NRG1: variants seen among roughly 807,000 people sequenced by gnomAD.
The protein encoded by NRG1 is pro-neuregulin-1, membrane-bound isoform.
NRG1 carries 18 observed loss-of-function variants against 63.8 expected under a neutral mutation model. That is an observed-to-expected ratio of 0.28 (90% CI 0.19 to 0.42). The LOEUF (loss-of-function observed/expected upper bound fraction) is 0.42. Among genes scored for constraint, NRG1 ranks in the 10% least tolerant of loss-of-function variants. The probability of loss-of-function intolerance (pLI) is 1.00; values close to 1 mark genes in which losing one functional copy is unlikely to be tolerated. For synonymous variants in NRG1, 302 were observed against 301.3 expected, an observed-to-expected ratio of 1.00 and a Z score of -0.02; for missense variants, 762 against 814.7, an observed-to-expected ratio of 0.94 and a Z score of 0.79.
At chr8:32,506,633 A>G (rs967043149) in intron 1 of NRG1, among the ~76,000 whole-genome samples, 6 of 152,114 alleles carry the variant, frequency 3.9e-5, no homozygotes, top group African/African-American at 1.2e-4. Context: ...TCTCCTGCCA[A>G]TCTAAATTTG....
At chr8:32,257,240 C>T (rs1254459978) in intron 1 of NRG1, among the ~76,000 whole-genome samples, 2 of 152,164 alleles carry the variant, frequency 1.3e-5, no homozygotes, top group South Asian at 4.1e-4. Flanking sequence ...GTGGGATCCG[C>T]TGAGCTAGAT....
chr8:31,661,025 T>A (rs1805941380), intron 1 of NRG1, among the ~76,000 whole-genome samples: 1 of 152,222 alleles, frequency 6.6e-6, no homozygotes, highest in South Asian at 2.1e-4. Context: ...GGGAAATAAT[T>A]AAGATTCTTG....
intron 5 of NRG1, among the ~76,000 whole-genome samples, chr8:32,696,684 A>AGAGTC (rs1349829150): frequency 6.9e-6 from 1 of 144,340 alleles, no homozygotes; most frequent in Non-Finnish European, 1.5e-5. Flanking sequence ...TTTTTGACAC[A>AGAGTC]GAGTCGTGCT....
At chr8:31,698,758 TGAAA>T (rs562859191) in intron 1 of NRG1, among the ~76,000 whole-genome samples, 47 of 152,330 alleles carry the variant, frequency 3.1e-4, no homozygotes, top group Middle Eastern at 6.8e-3. Flanking sequence ...CAACTAAAGA[TGAAA>T]GAAAGAAGTG....
chr8:31,958,238 TA>T (rs1804809198), intron 1 of NRG1, among the ~76,000 whole-genome samples: 1 of 152,138 alleles, frequency 6.6e-6, no homozygotes, highest in African/African-American at 2.4e-5. Context: ...GAACATCCAA[TA>T]AAAACCTGTT....
intron 1 of NRG1, among the ~76,000 whole-genome samples, chr8:32,201,804 T>C (rs1298061224): frequency 6.6e-6 from 1 of 152,202 alleles, no homozygotes; most frequent in African/African-American, 2.4e-5. Flanking sequence ...TATAGGACCA[T>C]TGGTGTACTT....
chr8:32,005,584 C>T (rs1335596185), intron 1 of NRG1, among the ~76,000 whole-genome samples: 3 of 151,844 alleles, frequency 2.0e-5, no homozygotes, highest in African/African-American at 7.3e-5. Context: ...TTGAAAAAAG[C>T]AATTTTTCAC....
intron 1 of NRG1, among the ~76,000 whole-genome samples, chr8:32,373,274 G>C (rs1306265365): frequency 6.6e-6 from 1 of 152,058 alleles, no homozygotes; most frequent in Non-Finnish European, 1.5e-5. Flanking sequence ...GCAAAGACCT[G>C]GTGTAACTGG....
At chr8:31,793,990 C>T (rs1327263095) in intron 1 of NRG1, among the ~76,000 whole-genome samples, 1 of 151,672 alleles carries the variant, frequency 6.6e-6, no homozygotes, top group East Asian at 1.9e-4. Context: ...CTTCTCTTAA[C>T]TTTATGTTTT....
intron 1 of NRG1, among the ~76,000 whole-genome samples, chr8:31,963,038 C>T (rs2129626451): frequency 6.6e-6 from 1 of 152,246 alleles, no homozygotes; most frequent in African/African-American, 2.4e-5. Flanking sequence ...ATTCCCAGTG[C>T]CTTGTAATTT....
chr8:32,401,379 C>T (rs549100867), intron 1 of NRG1, among the ~76,000 whole-genome samples: 1 of 152,216 alleles, frequency 6.6e-6, no homozygotes, highest in African/African-American at 2.4e-5. Context: ...GTACCCCATT[C>T]CCTGTTCCTT....
At chr8:32,415,304 A>G (rs1346916041) in intron 1 of NRG1, among the ~76,000 whole-genome samples, 5 of 148,080 alleles carry the variant, frequency 3.4e-5, no homozygotes, top group Non-Finnish European at 3.0e-5. Flanking sequence ...GCTACTTGGG[A>G]GGCTGAGGCA....
intron 1 of NRG1, among the ~76,000 whole-genome samples, chr8:32,094,012 G>GATGGTTC (rs1829555279): frequency 6.6e-6 from 1 of 152,166 alleles, no homozygotes. Context: ...GAGGATGTCT[G>GATGGTTC]CAGCAGAGTG....
intron 1 of NRG1, among the ~76,000 whole-genome samples, chr8:32,023,402 G>A (rs1427970182): frequency 6.6e-6 from 1 of 152,112 alleles, no homozygotes. Flanking sequence ...GAATGTGCAG[G>A]AAAGGAAGTG....
rs530687198 is a variant in NRG1, at chr8:32,326,341, TCA to T, written c.38-269485_38-269484del. 6.3e-5 allele frequency among the ~76,000 whole-genome samples: 9 copies of T among 143,718 alleles called. No homozygotes were observed. The South Asian group carries it at 9.2e-4, about 15-fold the overall frequency. The allele number at this position is 143,718 out of a possible 152,430, so 94.3% of individuals were successfully genotyped here. On this transcript the variant is annotated intron_variant, in intron 1 of 10. Transcript: ENST00000519301. ...TTTTTTTTTTTTTTGAGACAAGGTCTCACTCTGTCACCCAGGCTGGAGTGTAG... is the reference window on the plus strand; with the variant it reads ...TTTTTTTTTTTTTTGAGACAAGGTCTCTCTGTCACCCAGGCTGGAGTGTAG...
chr8:32,123,246 AT>A (rs779799889), intron 1 of NRG1, among the ~76,000 whole-genome samples: 18 of 151,910 alleles, frequency 1.2e-4, no homozygotes, highest in Non-Finnish European at 2.1e-4. Flanking sequence ...AGCTCTCATA[AT>A]TCCCATTTGT....
chr8:31,866,023 A>T (rs986552906), intron 1 of NRG1, among the ~76,000 whole-genome samples: 1 of 152,124 alleles, frequency 6.6e-6, no homozygotes, highest in African/African-American at 2.4e-5. Flanking sequence ...CTCACATTTC[A>T]TGTGCGGTTC....
At chr8:32,691,825 A>G (rs910621048) in intron 5 of NRG1, among the ~76,000 whole-genome samples, 3 of 152,132 alleles carry the variant, frequency 2.0e-5, no homozygotes, top group African/African-American at 7.2e-5. Context: ...CGTTAGCAGG[A>G]TCCTTCTTTT....
intron 1 of NRG1, among the ~76,000 whole-genome samples, chr8:32,496,855 T>A (rs1463480852): frequency 6.6e-6 from 1 of 152,170 alleles, no homozygotes; most frequent in Non-Finnish European, 1.5e-5. Flanking sequence ...TATTTAGTAT[T>A]TAAGCAATAC....
Sources: gnomAD v4.1 joint callset for allele counts (sites outside exome capture counted in the v4.1 genomes callset) on GRCh38, gnomAD v4.1.1 for gene constraint, MANE v1.5 for transcripts, NCBI Gene and HGNC (gene_info 2026-07-23, HGNC 2026-07-21) for gene names.